Variants in RBM46 observed in about 807,000 individuals in gnomAD.
RBM46 encodes probable RNA-binding protein 46.
RBM46 carries 12 observed loss-of-function variants against 43.3 expected under a neutral mutation model. That is an observed-to-expected ratio of 0.28 (90% CI 0.18 to 0.45). The LOEUF (loss-of-function observed/expected upper bound fraction) is 0.45. RBM46 is among the 20% of genes least tolerant of loss of function. The pLI, the probability that RBM46 is intolerant of heterozygous loss-of-function variation, is 1.00. For synonymous variants in RBM46, 205 were observed against 207.6 expected, an observed-to-expected ratio of 0.99 and a Z score of 0.11; for missense variants, 412 against 639.1, an observed-to-expected ratio of 0.64 and a Z score of 3.83.
intron 4 of RBM46, among the ~76,000 whole-genome samples, chr4:154,811,126 G>A (rs928866213): frequency 6.6e-5 from 10 of 152,192 alleles, no homozygotes; most frequent in Non-Finnish European, 1.2e-4. Flanking sequence ...ATGCTCTGAA[G>A]TAGTACGGGG....
At chr4:154,827,376 A>G in intron 4 of RBM46, 1 of 985,850 alleles carries the variant, frequency 1.0e-6, no homozygotes, top group Non-Finnish European at 1.2e-6. Flanking sequence ...GTATTTAAAT[A>G]ATGAAATATT....
intron 1 of RBM46, among the ~76,000 whole-genome samples, chr4:154,796,145 T>G (rs936202627): frequency 6.6e-6 from 1 of 152,156 alleles, no homozygotes; most frequent in African/African-American, 2.4e-5. Context: ...CTAGCCTGGG[T>G]GACAAAGTGA....
intron 1 of RBM46, among the ~76,000 whole-genome samples, chr4:154,788,567 C>T (rs1433137716): frequency 6.6e-6 from 1 of 152,122 alleles, no homozygotes; most frequent in East Asian, 1.9e-4. Flanking sequence ...GGTACCAGTA[C>T]CATGCTGTTT....
At chr4:154,797,677 C>T (rs551521421) in intron 2 of RBM46, 134 bp from the exon 3 acceptor site, 9 of 527,492 alleles carry the variant, frequency 1.7e-5, no homozygotes, top group South Asian at 4.3e-5. Context: ...TTTATTTTGT[C>T]CACTGTTGTA....
At chr4:154,789,235 G>A (rs1733952577) in intron 1 of RBM46, among the ~76,000 whole-genome samples, 1 of 152,132 alleles carries the variant, frequency 6.6e-6, no homozygotes, top group Non-Finnish European at 1.5e-5. Flanking sequence ...GGTAAGAGAG[G>A]GCATCCCTGT....
At chr4:154,824,959 A>G (rs969309000) in intron 4 of RBM46, among the ~76,000 whole-genome samples, 3 of 152,148 alleles carry the variant, frequency 2.0e-5, no homozygotes, top group Non-Finnish European at 2.9e-5. Flanking sequence ...TATCAATTAC[A>G]TAGATTTATA....
intron 4 of RBM46, among the ~76,000 whole-genome samples, chr4:154,815,200 T>C (rs1735372395): frequency 6.6e-6 from 1 of 151,958 alleles, no homozygotes; most frequent in South Asian, 2.1e-4. Context: ...TTCATCGGAG[T>C]GTTGTATATA....
intron 4 of RBM46, among the ~76,000 whole-genome samples, chr4:154,825,795 T>G (rs1735930459): frequency 6.6e-6 from 1 of 152,198 alleles, no homozygotes; most frequent in South Asian, 2.1e-4. Flanking sequence ...AATTCATGAA[T>G]AGGCTGCATT....
intron 4 of RBM46, among the ~76,000 whole-genome samples, chr4:154,816,353 G>C (rs1735442931): frequency 6.6e-6 from 1 of 151,924 alleles, no homozygotes; most frequent in Non-Finnish European, 1.5e-5. Flanking sequence ...ATAGTATTGG[G>C]TCTTCTGATC....
intron 4 of RBM46, among the ~76,000 whole-genome samples, chr4:154,807,302 A>G (rs1341959274): frequency 6.6e-6 from 1 of 151,732 alleles, no homozygotes; most frequent in Non-Finnish European, 1.5e-5. Context: ...AGGAAATTTA[A>G]TGTTACGTTG....
chr4:154,809,680 T>C (rs1735085203), intron 4 of RBM46, among the ~76,000 whole-genome samples: 1 of 152,142 alleles, frequency 6.6e-6, no homozygotes, highest in African/African-American at 2.4e-5. Context: ...CCTGCAGAGA[T>C]GACATTGTTT....
intron 3 of RBM46, 29 bp from the exon 4 acceptor site, chr4:154,798,753 C>T: frequency 5.9e-6 from 8 of 1,358,330 alleles, no homozygotes; most frequent in South Asian, 3.7e-5. Flanking sequence ...TATTTTAATT[C>T]TCTTCAAATT....
chr4:154,789,061 T>A (rs986321961), intron 1 of RBM46, among the ~76,000 whole-genome samples: 3 of 152,202 alleles, frequency 2.0e-5, no homozygotes, highest in Non-Finnish European at 2.9e-5. Flanking sequence ...CGTATCAGCT[T>A]AAGGAGATTT....
chr4:154,812,017 C>CTTT (rs76513488), intron 4 of RBM46, among the ~76,000 whole-genome samples: 21 of 133,148 alleles, frequency 1.6e-4, no homozygotes, highest in African/African-American at 5.2e-4. Flanking sequence ...CACTTCTTTA[C>CTTT]TTTTTTTTTT....
At position 154,798,006 on chromosome 4, in the gene RBM46, T is replaced by C; in HGVS notation, c.347T>C (p.Leu116Ser). The part of the protein sequence containing the change: ...VMYTTKEEAQ[L>S]AIRILNNYEI... ...TACACTACAAAAGAAGAAGCCCAAT[T>C]AGCCATCAGAATTCTTAATAATTAT... Residue 116 changes from leucine to serine, a missense_variant, in exon 3 of 5, where the codon TTA (leucine) becomes TCA (serine). Around this residue, in one of 8 missense-constraint regions of RBM46, gnomAD observed 48 missense variants for 78.9 expected, o/e 0.61. Transcript: ENST00000281722. 1 of 1,613,252 alleles carries C rather than the reference T, an allele frequency of 6.2e-7. No homozygotes were observed. The highest frequency in any genetic ancestry group is 8.5e-7 in the Non-Finnish European group (1 of 1,179,800).
intron 2 of RBM46, among the ~76,000 whole-genome samples, chr4:154,797,349 TA>T (rs1734405128): frequency 6.6e-6 from 1 of 152,194 alleles, no homozygotes; most frequent in Non-Finnish European, 1.5e-5. Flanking sequence ...TTATCACACT[TA>T]AAATAAAAAT....
chr4:154,800,315 G>A (rs985748583), intron 4 of RBM46, among the ~76,000 whole-genome samples: 20 of 152,270 alleles, frequency 1.3e-4, no homozygotes, highest in Non-Finnish European at 2.8e-4. Context: ...AAATCAGTGG[G>A]ATTTCAGATG....
chr4:154,826,004 T>A (rs1449021087), intron 4 of RBM46, among the ~76,000 whole-genome samples: 6 of 152,138 alleles, frequency 3.9e-5, no homozygotes, highest in Non-Finnish European at 8.8e-5. Flanking sequence ...AGATGGCTAA[T>A]AAGAAATTGA....
chr4:154,790,148 G>GT (rs1430968297), intron 1 of RBM46: 2 of 152,074 alleles, frequency 1.3e-5, no homozygotes, highest in African/African-American at 4.8e-5. Flanking sequence ...TGTTTTGAAG[G>GT]TTTTTTTGTG....
Sources: allele counts gnomAD v4.1 joint callset (sites outside exome capture counted in the v4.1 genomes callset), GRCh38; gene constraint gnomAD v4.1.1; regional missense constraint gnomAD v4.1.1; transcripts MANE v1.5; gene names NCBI Gene and HGNC (gene_info 2026-07-23, HGNC 2026-07-21).